The following C10orf90 variants were observed in gnomAD, a reference collection of about 807,000 sequenced individuals.
The protein encoded by C10orf90 is chromosome 10 open reading frame 90, also known as (E2-independent) E3 ubiquitin-conjugating enzyme FATS.
Under a neutral mutation model 62.5 loss-of-function variants are expected in C10orf90, and 56 were observed. That is an observed-to-expected ratio of 0.90 (90% CI 0.72 to 1.12). The LOEUF is 1.12. Among genes scored for constraint, C10orf90 ranks in the 50% most tolerant of loss-of-function variants. The pLI is 0.00. For missense variants in C10orf90, 970 were observed against 880.4 expected (o/e 1.10, Z -1.29); for synonymous variants, 386 against 340.4 (o/e 1.13, Z -1.47).
Position 126,513,904 on chromosome 10 carries a change from T to C in C10orf90, c.349A>G (p.Ile117Val). 6.2e-7 allele frequency: 1 copy of C among 1,613,372 alleles called. No homozygotes were observed. Among genetic ancestry groups the C allele is most frequent in the Non-Finnish European group, 8.5e-7 (1 of 1,179,470 alleles). ...RDSYHSRRDQ[I>V]ALKNLQSDVT... ...TCAGACTGGAGATTTTTAAGGGCAATTTGATCTCTTCTACTGTGGTAGCTG... is the reference window on the plus strand; with the variant it reads ...TCAGACTGGAGATTTTTAAGGGCAACTTGATCTCTTCTACTGTGGTAGCTG... The change falls in exon 3 of 10, where the codon ATT (isoleucine) becomes GTT (valine). Residue 117 changes from isoleucine (I) to valine (V), a missense_variant. Ile to Val is a conservative substitution (Grantham distance 29). Transcript: ENST00000488181.
chr10:126,489,860 C>A (rs1188589373), intron 4 of C10orf90, among the ~76,000 whole-genome samples: 1 of 148,750 alleles, frequency 6.7e-6, no homozygotes, highest in African/African-American at 2.5e-5. Flanking sequence ...AACGGGTAAA[C>A]AAAATGTGGT....
In C10orf90 at chr10:126,604,421, A is replaced by G. The variant is rs188039322; in HGVS notation, c.313+42144T>C. Among the ~76,000 whole-genome samples the G allele has an allele frequency of 3.3e-3, 496 of 152,360 alleles. 2 individuals are homozygous for G. The highest frequency in any genetic ancestry group is 0.012 in the African/African-American group (489 of 41,592). ...CAGACTTGATCCTCAGTTGAAAGAA[A>G]AAAAATACACCATATATATGCACTT... On this transcript the variant is annotated intron_variant, in intron 2 of 9. Coordinates refer to ENST00000488181, the MANE Select transcript of C10orf90 (RefSeq NM_001350921.2).
intron 2 of C10orf90, among the ~76,000 whole-genome samples, chr10:126,556,337 C>T (rs576323533): frequency 5.3e-5 from 8 of 152,224 alleles, no homozygotes; most frequent in South Asian, 4.2e-4. Context: ...CTGCAAAGGG[C>T]GCTCCCTTCT....
At chr10:126,635,724 G>A (rs1054330689) in intron 2 of C10orf90, among the ~76,000 whole-genome samples, 1 of 152,186 alleles carries the variant, frequency 6.6e-6, no homozygotes, top group Non-Finnish European at 1.5e-5. Flanking sequence ...AGGGGAGTGG[G>A]TCCACCTGGC....
At chr10:126,607,988 G>A (rs917450821) in intron 2 of C10orf90, among the ~76,000 whole-genome samples, 14 of 152,232 alleles carry the variant, frequency 9.2e-5, no homozygotes, top group African/African-American at 3.1e-4. Context: ...TCAGGGGAAA[G>A]AGGGAATGGG....
chr10:126,467,784 C>T (rs759746688), intron 4 of C10orf90, among the ~76,000 whole-genome samples: 44 of 152,254 alleles, frequency 2.9e-4, no homozygotes, highest in South Asian at 8.3e-4. Context: ...AAATATTCTG[C>T]CCAACAGTTG....
At chr10:126,576,654 G>A (rs899697996) in intron 2 of C10orf90, among the ~76,000 whole-genome samples, 3 of 74,658 alleles carry the variant, frequency 4.0e-5, no homozygotes, top group African/African-American at 1.4e-4. Context: ...CCACAGCCAA[G>A]ATATGTATAC....
chr10:126,442,633 G>GTGTTTA (rs1160734939), intron 7 of C10orf90, among the ~76,000 whole-genome samples: 16 of 88,458 alleles, frequency 1.8e-4, no homozygotes, highest in African/African-American at 8.1e-4. Context: ...TTGTGTGTGT[G>GTGTTTA]TATATATATA....
intron 2 of C10orf90, among the ~76,000 whole-genome samples, chr10:126,633,895 C>T (rs1845898742): frequency 1.3e-5 from 2 of 152,184 alleles, no homozygotes; most frequent in Non-Finnish European, 2.9e-5. Context: ...TTAGTCATTA[C>T]TCATTGGGGA....
chr10:126,668,509 C>A (rs1355409180), intron 1 of C10orf90, among the ~76,000 whole-genome samples: 1 of 152,192 alleles, frequency 6.6e-6, no homozygotes, highest in Non-Finnish European at 1.5e-5. Flanking sequence ...GCTGAGATGT[C>A]ATGGTAGGAA....
Position 126,456,113 on chromosome 10 carries a change from T to A in C10orf90, c.2188+2927A>T, listed in dbSNP as rs1229829899. Among the ~76,000 whole-genome samples, 4 of 152,246 alleles carry A rather than the reference T, an allele frequency of 2.6e-5. No individual in the cohort carries two copies. Among genetic ancestry groups the A allele is most frequent in the African/African-American group, 4.8e-5 (2 of 41,466 alleles). On this transcript the variant is annotated intron_variant, in intron 7 of 9. Transcript: ENST00000488181. This position sits in a 1 kb window ranked among gnomAD's most constrained non-coding sequence, Gnocchi z 4.9. ...TTCACGCATATGATTTATGAACTAA[T>A]TTAGCAAGTAAGAAAAACATCTGCA...
Position 126,659,237 on chromosome 10 carries a change from C to T in C10orf90, c.240+11004G>A, listed in dbSNP as rs1846458144. On this transcript the variant is annotated intron_variant, in intron 1 of 9. Coordinates refer to ENST00000488181, the MANE Select transcript of C10orf90 (RefSeq NM_001350921.2). ...AACTAGCGCAATATGAGGCAGCCAA[C>T]CTAGAGCCATGCACTGAGAAGCTGG... 6.6e-5 allele frequency among the ~76,000 whole-genome samples: 10 copies of T among 152,320 alleles called. No homozygotes were observed. In the South Asian group the frequency reaches 2.1e-3, roughly 32 times the overall value.
At chr10:126,528,993 A>G (rs1221782851) in intron 2 of C10orf90, among the ~76,000 whole-genome samples, 1 of 152,230 alleles carries the variant, frequency 6.6e-6, no homozygotes. Context: ...GGTCATTGCT[A>G]CAGAAATAAA....
In C10orf90 at chr10:126,602,474, A is replaced by G. The variant is rs545673535; in HGVS notation, c.313+44091T>C. ...GGTGTGAAGGGACTTGGTATCAATC[A>G]TAACAGGGTGGTTCCACTGTGGAAC... On this transcript the variant is annotated intron_variant, in intron 2 of 9. Coordinates refer to ENST00000488181, the MANE Select transcript of C10orf90 (RefSeq NM_001350921.2). Among the ~76,000 whole-genome samples, 8 of 152,318 alleles carry G rather than the reference A, an allele frequency of 5.3e-5. No homozygotes were observed. The South Asian group carries it at 1.7e-3, about 32-fold the overall frequency.
intron 4 of C10orf90, among the ~76,000 whole-genome samples, chr10:126,494,554 T>C (rs926995260): frequency 6.6e-6 from 1 of 152,176 alleles, no homozygotes; most frequent in Non-Finnish European, 1.5e-5. Flanking sequence ...CATTGTCTAA[T>C]GACATGAATG....
intron 7 of C10orf90, among the ~76,000 whole-genome samples, chr10:126,451,382 C>T (rs933386692): frequency 2.0e-5 from 3 of 152,068 alleles, no homozygotes; most frequent in South Asian, 2.1e-4. Flanking sequence ...CTCCTGTGTT[C>T]GTTGCGGTAT....
At chr10:126,581,272 T>C (rs1844746030) in intron 2 of C10orf90, among the ~76,000 whole-genome samples, 1 of 152,162 alleles carries the variant, frequency 6.6e-6, no homozygotes, top group Non-Finnish European at 1.5e-5. Context: ...AAAGGGCACA[T>C]TACAGTGGGA....
intron 2 of C10orf90, among the ~76,000 whole-genome samples, chr10:126,562,491 A>G (rs2133989458): frequency 6.6e-6 from 1 of 152,292 alleles, no homozygotes; most frequent in East Asian, 1.9e-4. Flanking sequence ...GCCAGCTGGA[A>G]ATCCAGTCTC....
rs542458784 is a variant in C10orf90 at position 126,622,913 on chromosome 10, G to A, written c.313+23652C>T. On this transcript the variant is annotated intron_variant, in intron 2 of 9. Coordinates refer to ENST00000488181, the MANE Select transcript of C10orf90 (RefSeq NM_001350921.2). ...TACATGTGCAAGCACACATTTTCAC[G>A]CAGACTCCTCATTGTTACAAATTAA... Among the ~76,000 whole-genome samples the A allele has an allele frequency of 1.9e-3, 294 of 152,268 alleles. 1 individual carries two copies. The highest frequency in any genetic ancestry group is 0.017 in the Middle Eastern group (5 of 294).
Sources: gnomAD v4.1 joint callset for allele counts (sites outside exome capture counted in the v4.1 genomes callset) on GRCh38, gnomAD v4.1.1 for gene constraint, Gnocchi (gnomAD v3.1) non-coding constraint, MANE v1.5 for transcripts, NCBI Gene and HGNC (gene_info 2026-07-23, HGNC 2026-07-21) for gene names.